Variants in CPVL observed in about 807,000 individuals in gnomAD.
CPVL encodes probable serine carboxypeptidase CPVL.
In CPVL, 51 loss-of-function variants were observed where a neutral mutation model predicts 63.7. The ratio of observed to expected loss-of-function variants is 0.80; its 90% CI spans 0.64 to 1.01. CPVL has a LOEUF of 1.01. Among genes scored for constraint, CPVL ranks in the 50% least tolerant of loss-of-function variants. The pLI is 0.00. For missense variants in CPVL, 530 were observed against 573.1 expected, an observed-to-expected ratio of 0.92 and a Z score of 0.77; for synonymous variants, 195 against 206.0, an observed-to-expected ratio of 0.95 and a Z score of 0.46.
intron 8 of CPVL, 35 bp from the exon 9 acceptor site, chr7:29,071,939 AG>A: frequency 6.2e-7 from 1 of 1,611,852 alleles, no homozygotes; most frequent in Middle Eastern, 1.7e-4. Context: ...AATGTGACAA[AG>A]GGAGAGAAAG....
At chr7:29,059,913 C>G (rs1329579690) in intron 11 of CPVL, among the ~76,000 whole-genome samples, 2 of 152,178 alleles carry the variant, frequency 1.3e-5, no homozygotes, top group Non-Finnish European at 2.9e-5. Flanking sequence ...TTTTGGAGGG[C>G]AGCAATTTGC....
At chr7:28,999,693 C>A (rs1301137948) in intron 12 of CPVL, among the ~76,000 whole-genome samples, 1 of 152,164 alleles carries the variant, frequency 6.6e-6, no homozygotes, top group Non-Finnish European at 1.5e-5. Flanking sequence ...AATTTCTGAG[C>A]TGCCATGTGT....
chr7:29,192,981 G>A (rs1783088946), intron 1 of CPVL: 1 of 152,280 alleles, frequency 6.6e-6, no homozygotes, highest in African/African-American at 2.4e-5. Flanking sequence ...CAAGCCAAGT[G>A]TGTGATGGGT....
At chr7:29,132,640 G>A (rs2687640) in intron 1 of CPVL, among the ~76,000 whole-genome samples, 16,386 of 152,090 alleles carry the variant, frequency 0.11, 1,370 homozygotes, top group African/African-American at 0.23. Flanking sequence ...AAGGAAAAGT[G>A]CCATTCCAGC....
At chr7:29,101,631 T>C (rs1297210180) in intron 3 of CPVL, among the ~76,000 whole-genome samples, 1 of 152,176 alleles carries the variant, frequency 6.6e-6, no homozygotes, top group Non-Finnish European at 1.5e-5. Context: ...CTTAAAACTT[T>C]TTCTATTATA....
intron 5 of CPVL, among the ~76,000 whole-genome samples, chr7:29,175,179 CTTT>C (rs141269641): frequency 7.0e-6 from 1 of 142,998 alleles, no homozygotes. Context: ...TTTCTTTTTC[CTTT>C]TTTTTTTTTT....
At chr7:29,159,799 AT>A (rs1365781435) in intron 5 of CPVL, among the ~76,000 whole-genome samples, 1 of 152,214 alleles carries the variant, frequency 6.6e-6, no homozygotes, top group Non-Finnish European at 1.5e-5. Flanking sequence ...ACTCATTCTT[AT>A]GCTAGAAAAT....
At chr7:29,193,611 C>T (rs1238089821) in intron 1 of CPVL, 2 of 152,096 alleles carry the variant, frequency 1.3e-5, no homozygotes, top group East Asian at 1.9e-4. Flanking sequence ...GAGCGTGAAA[C>T]AGACTTAAAA....
intron 9 of CPVL, among the ~76,000 whole-genome samples, chr7:29,069,830 A>ATGTGTGTGTGTGTGTG (rs1783569752): frequency 7.3e-6 from 1 of 136,300 alleles, no homozygotes; most frequent in African/African-American, 2.9e-5. Flanking sequence ...GTGTGTGTGC[A>ATGTGTGTGTGTGTGTG]TGTAAATGCA....
At chr7:29,046,997 AC>A (rs1236914255) in intron 11 of CPVL, among the ~76,000 whole-genome samples, 1 of 152,198 alleles carries the variant, frequency 6.6e-6, no homozygotes, top group African/African-American at 2.4e-5. Context: ...GATTATTTGC[AC>A]TTATAATTGA....
chr7:29,126,475 G>A (rs1790036067), intron 1 of CPVL: 1 of 152,150 alleles, frequency 6.6e-6, no homozygotes, highest in African/African-American at 2.4e-5. Context: ...ATCCTGGCCA[G>A]TTCTCCCCTA....
chr7:29,153,738 T>G (rs1451026918), intron 5 of CPVL, among the ~76,000 whole-genome samples: 2 of 151,898 alleles, frequency 1.3e-5, no homozygotes, highest in African/African-American at 4.8e-5. Context: ...CCCAGATAAT[T>G]TTTGTATTTT....
intron 11 of CPVL, among the ~76,000 whole-genome samples, chr7:29,038,340 C>G (rs1437964683): frequency 6.6e-6 from 1 of 152,184 alleles, no homozygotes; most frequent in African/African-American, 2.4e-5. Context: ...ATTACTCTTT[C>G]CACCATGTGA....
chr7:29,068,449 A>G (rs1783358709), intron 9 of CPVL, among the ~76,000 whole-genome samples: 1 of 152,120 alleles, frequency 6.6e-6, no homozygotes, highest in African/African-American at 2.4e-5. Context: ...ATTCTCTACC[A>G]ATGCTACCAT....
chr7:29,058,290 T>C (rs139040858), intron 11 of CPVL, among the ~76,000 whole-genome samples: 80 of 152,238 alleles, frequency 5.3e-4, no homozygotes, highest in African/African-American at 1.9e-3. Flanking sequence ...CTAATGTAAA[T>C]AGTCCTGTGT....
chr7:29,030,431 T>C, intron 12 of CPVL, 146 bp downstream of exon 12: 1 of 755,946 alleles, frequency 1.3e-6, no homozygotes, highest in South Asian at 1.8e-5. Flanking sequence ...ACCACTCTTC[T>C]CTGTGGAAAG....
chr7:29,127,532 T>G (rs1009907160), intron 1 of CPVL: 14 of 152,134 alleles, frequency 9.2e-5, no homozygotes, highest in African/African-American at 3.4e-4. Context: ...GGAACTGAGG[T>G]GTCGGGGCTC....
upstream of CPVL, among the ~76,000 whole-genome samples, chr7:29,147,773 A>G (rs1792961796): frequency 3.3e-5 from 5 of 152,250 alleles, 1 homozygote; most frequent in South Asian, 1.0e-3. Flanking sequence ...AAGTACAAAC[A>G]GAGATCTGTA....
chr7:29,130,560 A>C (rs1790577261), intron 1 of CPVL, among the ~76,000 whole-genome samples: 1 of 152,188 alleles, frequency 6.6e-6, no homozygotes, highest in Admixed American at 6.5e-5. Flanking sequence ...CACTATTCTT[A>C]GACAAGCCCT....
Sources: gnomAD v4.1 joint callset for allele counts (sites outside exome capture counted in the v4.1 genomes callset) on GRCh38, gnomAD v4.1.1 for gene constraint, MANE v1.5 for transcripts, NCBI Gene and HGNC (gene_info 2026-07-23, HGNC 2026-07-21) for gene names.